HCN1: variants seen among roughly 807,000 people sequenced by gnomAD.
HCN1 encodes the protein potassium/sodium hyperpolarization-activated cyclic nucleotide-gated channel 1.
HCN1 carries 13 observed loss-of-function variants against 78.9 expected under a neutral mutation model. The observed-to-expected ratio is 0.16, with a 90% CI of 0.11 to 0.26. The LOEUF (loss-of-function observed/expected upper bound fraction) is 0.26. Among genes scored for constraint, HCN1 ranks in the 10% least tolerant of loss-of-function variants. HCN1 has a pLI of 1.00. For missense variants in HCN1, 810 were observed against 1,154.3 expected (o/e 0.70, Z 4.32); for synonymous variants, 552 against 455.5 (o/e 1.21, Z -2.70).
chr5:45,692,503 T>C (rs917898113), intron 1 of HCN1, among the ~76,000 whole-genome samples: 8 of 152,202 alleles, frequency 5.3e-5, no homozygotes, highest in Admixed American at 2.0e-4. Context: ...AAACATGAGC[T>C]TGTTGTGTTT....
chr5:45,510,304 A>G (rs1425571511), intron 2 of HCN1, among the ~76,000 whole-genome samples: 2 of 152,102 alleles, frequency 1.3e-5, no homozygotes, highest in African/African-American at 4.8e-5. Context: ...AGAAGTGAAG[A>G]ACATTTTTTT....
chr5:45,567,710 T>C (rs1743738524), intron 2 of HCN1, among the ~76,000 whole-genome samples: 9 of 152,014 alleles, frequency 5.9e-5, no homozygotes, highest in Admixed American at 5.9e-4. Context: ...AGTCCTCATC[T>C]AACACAGTGC....
chr5:45,407,791 T>C lies in HCN1; in HGVS notation c.1012-11081A>G, dbSNP rs547122774. ...TCCTAAAGTGCTGAGATTACAAGCG[T>C]GAGCCACCATGCCCGGCCCAGAAGA... is the stretch of plus-strand genomic sequence containing the variant. On this transcript the variant is annotated intron_variant, in intron 3 of 7. Transcript: ENST00000303230. Among the ~76,000 whole-genome samples, 6 of 152,228 alleles carry C rather than the reference T, an allele frequency of 3.9e-5. No individual in the cohort carries two copies. The East Asian group carries it at 1.2e-3, about 30-fold the overall frequency.
chr5:45,557,168 C>T (rs932254765), intron 2 of HCN1, among the ~76,000 whole-genome samples: 7 of 152,082 alleles, frequency 4.6e-5, no homozygotes, highest in African/African-American at 1.7e-4. Context: ...AAGCTCTCTG[C>T]TGTTCACATT....
At chr5:45,405,106 G>A (rs1252794211) in intron 3 of HCN1, among the ~76,000 whole-genome samples, 1 of 152,058 alleles carries the variant, frequency 6.6e-6, no homozygotes, top group Non-Finnish European at 1.5e-5. Context: ...TTAGAGCTAG[G>A]CTACAGAATG....
At chr5:45,659,072 G>C (rs531142841) in intron 1 of HCN1, among the ~76,000 whole-genome samples, 1 of 152,062 alleles carries the variant, frequency 6.6e-6, no homozygotes, top group African/African-American at 2.4e-5. Context: ...GCTTTGAAGA[G>C]ACCAGTGGTT....
chr5:45,315,983 G>A (rs1032534275), intron 5 of HCN1, among the ~76,000 whole-genome samples: 1 of 152,118 alleles, frequency 6.6e-6, no homozygotes. Context: ...TTCTACCAGA[G>A]GTAGAAGGAG....
At chr5:45,348,622 A>G (rs2111976126) in intron 5 of HCN1, among the ~76,000 whole-genome samples, 1 of 152,336 alleles carries the variant, frequency 6.6e-6, no homozygotes, top group Admixed American at 6.5e-5. Flanking sequence ...CAGGAAACCC[A>G]TCTCATGTGC....
chr5:45,683,401 T>C (rs1739742565), intron 1 of HCN1, among the ~76,000 whole-genome samples: 1 of 152,132 alleles, frequency 6.6e-6, no homozygotes, highest in African/African-American at 2.4e-5. Flanking sequence ...AGCAGTTAAC[T>C]CCATAATTTA....
chr5:45,600,904 C>A (rs1476145042), intron 2 of HCN1, among the ~76,000 whole-genome samples: 1 of 152,090 alleles, frequency 6.6e-6, no homozygotes, highest in African/African-American at 2.4e-5. Flanking sequence ...ATAGCAAAAA[C>A]TGTTGTCTGT....
chr5:45,510,306 C>A (rs760917012), intron 2 of HCN1, among the ~76,000 whole-genome samples: 1 of 152,102 alleles, frequency 6.6e-6, no homozygotes, highest in South Asian at 2.1e-4. Flanking sequence ...AAGTGAAGAA[C>A]ATTTTTTTCA....
At chr5:45,401,431 A>C (rs536753894) in intron 3 of HCN1, among the ~76,000 whole-genome samples, 4 of 152,096 alleles carry the variant, frequency 2.6e-5, no homozygotes, top group African/African-American at 7.2e-5. Context: ...ATTTATTCCT[A>C]ATTTATCATT....
chr5:45,404,746 T>C (rs966612439), intron 3 of HCN1, among the ~76,000 whole-genome samples: 1 of 143,848 alleles, frequency 7.0e-6, no homozygotes, highest in African/African-American at 2.5e-5. Flanking sequence ...AAAGGAATAT[T>C]TATTCTCCAG....
At chr5:45,416,863 T>C (rs114329811) in intron 3 of HCN1, among the ~76,000 whole-genome samples, 2,347 of 151,898 alleles carry the variant, frequency 0.015, 26 homozygotes, top group Middle Eastern at 0.027. Flanking sequence ...GTCTCCCCTC[T>C]CCCCCAACAC....
At chr5:45,350,064 A>G (rs1746855287) in intron 5 of HCN1, among the ~76,000 whole-genome samples, 1 of 152,178 alleles carries the variant, frequency 6.6e-6, no homozygotes, top group South Asian at 2.1e-4. Flanking sequence ...GGGCAGACAC[A>G]CAACCAAAAA....
At chr5:45,479,084 G>A (rs1157305852) in intron 2 of HCN1, among the ~76,000 whole-genome samples, 7 of 151,140 alleles carry the variant, frequency 4.6e-5, no homozygotes, top group Admixed American at 4.0e-4. Context: ...CAGAGATCAT[G>A]CCACTGCACT....
chr5:45,542,652 C>T (rs780531378), intron 2 of HCN1, among the ~76,000 whole-genome samples: 23 of 152,244 alleles, frequency 1.5e-4, no homozygotes, highest in Non-Finnish European at 2.5e-4. Context: ...AGAACTACTA[C>T]ACACAACAGG....
chr5:45,402,066 C>A (rs1272087138), intron 3 of HCN1, among the ~76,000 whole-genome samples: 1 of 151,980 alleles, frequency 6.6e-6, no homozygotes, highest in African/African-American at 2.4e-5. Flanking sequence ...TTACCAAACC[C>A]CATAGTATGT....
At chr5:45,461,629 G>A (rs999794644) in intron 3 of HCN1, among the ~76,000 whole-genome samples, 3 of 152,086 alleles carry the variant, frequency 2.0e-5, no homozygotes, top group Non-Finnish European at 4.4e-5. Flanking sequence ...AAAAGTAGAT[G>A]TTGTAACATA....
Sources: gnomAD v4.1 joint callset for allele counts (sites outside exome capture counted in the v4.1 genomes callset) on GRCh38, gnomAD v4.1.1 for gene constraint, MANE v1.5 for transcripts, NCBI Gene and HGNC (gene_info 2026-07-23, HGNC 2026-07-21) for gene names.